Variants in NPEPPS observed in about 807,000 individuals in gnomAD.
NPEPPS encodes the protein puromycin-sensitive aminopeptidase.
In NPEPPS, 14 loss-of-function variants were observed where a neutral mutation model predicts 115.5. The observed-to-expected ratio is 0.12, with a 90% CI of 0.08 to 0.19. NPEPPS has a LOEUF of 0.19. Ranked by LOEUF, NPEPPS falls within the 10% of genes least tolerant of loss-of-function variation. NPEPPS has a pLI of 1.00. For synonymous variants in NPEPPS, 285 were observed against 390.6 expected, an observed-to-expected ratio of 0.73 and a Z score of 3.19; for missense variants, 523 against 1,110.8, an observed-to-expected ratio of 0.47 and a Z score of 7.52.
At chr17:47,536,772 C>T (rs1285336136) in intron 1 of NPEPPS, among the ~76,000 whole-genome samples, 3 of 135,814 alleles carry the variant, frequency 2.2e-5, no homozygotes, top group Non-Finnish European at 3.0e-5. Context: ...AGTGCAATGG[C>T]GCGATCTCGG....
intron 2 of NPEPPS, among the ~76,000 whole-genome samples, chr17:47,567,120 A>G (rs2935174): frequency 2.0e-5 from 3 of 152,184 alleles, no homozygotes; most frequent in African/African-American, 4.8e-5. Flanking sequence ...GAGCTAGCTT[A>G]TGATTGTAGA....
At chr17:47,543,636 A>AT (rs1412065727) in intron 1 of NPEPPS, among the ~76,000 whole-genome samples, 2 of 151,612 alleles carry the variant, frequency 1.3e-5, no homozygotes, top group Non-Finnish European at 2.9e-5. Flanking sequence ...CAGGACTATC[A>AT]TTTAATACCC....
At chr17:47,533,574 A>G (rs1907980299) in intron 1 of NPEPPS, among the ~76,000 whole-genome samples, 1 of 152,212 alleles carries the variant, frequency 6.6e-6, no homozygotes, top group African/African-American at 2.4e-5. Context: ...GGAGGCAAAC[A>G]TATTTTGGGA....
intron 1 of NPEPPS, among the ~76,000 whole-genome samples, chr17:47,523,749 CA>C (rs1760348757): frequency 6.6e-6 from 1 of 152,098 alleles, no homozygotes; most frequent in Non-Finnish European, 1.5e-5. Flanking sequence ...AAGAAATTCT[CA>C]AACCACTGGA....
intron 4 of NPEPPS, chr17:47,579,911 CTTTGA>C (rs1237390840): frequency 5.9e-6 from 1 of 168,116 alleles, no homozygotes; most frequent in East Asian, 1.8e-4. Flanking sequence ...TCTGTGCTGT[CTTTGA>C]TTTTTTTTTT....
intron 13 of NPEPPS, among the ~76,000 whole-genome samples, chr17:47,598,415 G>C (rs6505049): frequency 2.0e-5 from 3 of 151,984 alleles, no homozygotes; most frequent in Non-Finnish European, 4.4e-5. Context: ...TGTGAAGGCT[G>C]CAGTGAGCTG....
Position 47,612,471 on chromosome 17 carries a change from G to A in NPEPPS, c.2107G>A (p.Ala703Thr). 1 of 1,613,766 alleles carries A rather than the reference G, an allele frequency of 6.2e-7. No individual in the cohort carries two copies. The highest frequency in any genetic ancestry group is 2.2e-5 in the East Asian group (1 of 44,872). Residue 703 changes from alanine (A) to threonine (T), a missense_variant, in exon 18 of 23, where the codon GCA (alanine) becomes ACA (threonine). Physicochemically the swap from Ala to Thr is moderately conservative, Grantham distance 58. Around this residue, in one of 4 missense-constraint regions of NPEPPS, gnomAD observed 372 missense variants for 542.6 expected, o/e 0.69. Transcript: ENST00000322157. Reference sequence around the variant, plus strand: ...ACTTCTCAAATCAGGTCATCTCGATGCACTCCTGAGGGGCTTGGTTCTGGG... The same window carrying A: ...ACTTCTCAAATCAGGTCATCTCGATACACTCCTGAGGGGCTTGGTTCTGGG... ...DPKPGEGHLD[A>T]LLRGLVLGKL...
chr17:47,599,007 A>G (rs1418080299), intron 13 of NPEPPS, among the ~76,000 whole-genome samples: 1 of 152,214 alleles, frequency 6.6e-6, no homozygotes, highest in Non-Finnish European at 1.5e-5. Context: ...AAAATAAATT[A>G]AAAATATATT....
chr17:47,535,867 T>C (rs1263796037), intron 1 of NPEPPS, among the ~76,000 whole-genome samples: 4 of 147,078 alleles, frequency 2.7e-5, no homozygotes, highest in African/African-American at 1.0e-4. Context: ...GATGGAGTCT[T>C]GCTCTGCCAC....
chr17:47,619,192 TA>T (rs1388738183), intron 21 of NPEPPS, 28 bp downstream of exon 21: 1 of 1,579,140 alleles, frequency 6.3e-7, no homozygotes, highest in African/African-American at 1.3e-5. Context: ...AGTAGCTTGC[TA>T]ATCATGGATA....
rs766571611 is a variant in NPEPPS at position 47,618,997 on chromosome 17, T to C, written c.2404-12T>C. 1.2e-6 allele frequency: 2 copies of C among 1,609,664 alleles called. No homozygotes were observed. Among genetic ancestry groups the C allele is most frequent in the East Asian group, 2.2e-5 (1 of 44,810 alleles). On this transcript the variant is annotated splice_polypyrimidine_tract_variant and intron_variant, in intron 20 of 22. Transcript: ENST00000322157. ...TGATACACTAGACTTTTAGCTCTCT[T>C]TCTTTTTTTAGGAAGAGGTACGTCC...
intron 1 of NPEPPS, among the ~76,000 whole-genome samples, chr17:47,537,160 A>G (rs1368518281): frequency 6.7e-6 from 1 of 149,870 alleles, no homozygotes; most frequent in African/African-American, 2.5e-5. Flanking sequence ...CCCTGTCTCC[A>G]GGAAAAAAAA....
chr17:47,536,078 ATCT>A (rs1567833792), intron 1 of NPEPPS, among the ~76,000 whole-genome samples: 2 of 151,962 alleles, frequency 1.3e-5, no homozygotes, highest in Non-Finnish European at 2.9e-5. Flanking sequence ...ACCTCATTCC[ATCT>A]TCCTCGGCCT....
chr17:47,570,393 G>A (rs1185520773), intron 3 of NPEPPS, among the ~76,000 whole-genome samples: 1 of 152,204 alleles, frequency 6.6e-6, no homozygotes, highest in African/African-American at 2.4e-5. Context: ...CTGCACTCCA[G>A]CCTGGGTGAT....
chr17:47,617,238 G>C (rs1914264976), intron 19 of NPEPPS, among the ~76,000 whole-genome samples: 1 of 152,108 alleles, frequency 6.6e-6, no homozygotes, highest in African/African-American at 2.4e-5. Flanking sequence ...CTGTCTTTCA[G>C]ATATTCTGCA....
chr17:47,571,266 G>C (rs1911174205), intron 3 of NPEPPS, among the ~76,000 whole-genome samples: 1 of 152,056 alleles, frequency 6.6e-6, no homozygotes, highest in African/African-American at 2.4e-5. Context: ...GACATAATTG[G>C]TGATTTTTAT....
In NPEPPS at chr17:47,603,965, G is replaced by A; in HGVS notation, c.1791G>A (p.Met597Ile). The A allele has an allele frequency of 6.2e-7, 1 of 1,613,574 alleles. No individual in the cohort carries two copies. The highest frequency in any genetic ancestry group is 8.5e-7 in the Non-Finnish European group (1 of 1,179,612). Residue 597 changes from methionine to isoleucine, a missense_variant, in exon 16 of 23, where the codon ATG (methionine) becomes ATA (isoleucine). Transcript: ENST00000322157. ...GFYRTQYSSAMLESLLPGIRD... is the reference protein window; with the variant it reads ...GFYRTQYSSAILESLLPGIRD... ...ATCGGACCCAGTACAGCTCTGCCAT[G>A]CTGGAAAGTTTATTACCAGGCATTC...
At chr17:47,567,605 G>A (rs1197765224) in intron 2 of NPEPPS, among the ~76,000 whole-genome samples, 4 of 151,626 alleles carry the variant, frequency 2.6e-5, no homozygotes, top group Admixed American at 2.6e-4. Context: ...ACAATTCAGC[G>A]GTTTTTAGTC....
chr17:47,616,778 C>T (rs1205114490), intron 19 of NPEPPS, among the ~76,000 whole-genome samples: 1 of 145,576 alleles, frequency 6.9e-6, no homozygotes, highest in African/African-American at 2.6e-5. Flanking sequence ...GAGCGAGACT[C>T]CATCTCAAAA....
Sources: allele counts gnomAD v4.1 joint callset (sites outside exome capture counted in the v4.1 genomes callset), GRCh38; gene constraint gnomAD v4.1.1; regional missense constraint gnomAD v4.1.1; transcripts MANE v1.5; gene names NCBI Gene and HGNC (gene_info 2026-07-23, HGNC 2026-07-21).